The following BOD1L1 variants were observed in gnomAD, a reference collection of about 807,000 sequenced individuals.
BOD1L1 encodes the protein biorientation of chromosomes in cell division protein 1-like 1.
Under a neutral mutation model 240.7 loss-of-function variants are expected in BOD1L1, and 86 were observed. The observed-to-expected ratio is 0.36, with a 90% CI of 0.30 to 0.43. BOD1L1 has a LOEUF of 0.43. Among genes scored for constraint, BOD1L1 ranks in the 20% least tolerant of loss-of-function variants. The probability of loss-of-function intolerance (pLI) is 1.00; values close to 1 mark genes in which losing one functional copy is unlikely to be tolerated. For synonymous variants in BOD1L1, 1,268 were observed against 1,272.3 expected (o/e 1.00, Z 0.07); for missense variants, 3,554 against 3,643.5 (o/e 0.98, Z 0.63).
In BOD1L1 at chr4:13,602,441, C is replaced by T. The variant is rs1417684064; in HGVS notation, c.4459G>A (p.Gly1487Arg). The change falls in exon 10 of 26, where the codon GGA becomes AGA. Residue 1487 changes from glycine (G) to arginine (R), a missense_variant. Gly to Arg is a moderately radical substitution (Grantham distance 125). This residue lies in a region of BOD1L1 where 3,393 missense variants were observed against 3,427.1 expected (regional missense o/e 0.99). Coordinates refer to ENST00000040738, the MANE Select transcript of BOD1L1 (RefSeq NM_148894.3). Reference sequence around the variant, plus strand: ...AAAACAGAGGGTGCAGAGCCACTTCCAGCACTGGTGTCTACCTCACTGTTT... The same window carrying T: ...AAAACAGAGGGTGCAGAGCCACTTCTAGCACTGGTGTCTACCTCACTGTTT... Reference protein sequence around the residue: ...NENSEVDTSAGSGSAPSVLHQ... With the variant: ...NENSEVDTSARSGSAPSVLHQ... 1 of 1,613,932 alleles carries T rather than the reference C, an allele frequency of 6.2e-7. No individual in the cohort carries two copies. The highest frequency in any genetic ancestry group is 1.3e-5 in the African/African-American group (1 of 74,938).
intron 17 of BOD1L1, among the ~76,000 whole-genome samples, chr4:13,584,441 AGTGTGTGTGTGTGTGTGTGTGTGT>A (rs36096107): frequency 3.7e-5 from 5 of 134,906 alleles, no homozygotes; most frequent in African/African-American, 1.1e-4. Flanking sequence ...AGAGAGAGAG[AGTGTGTGTGTGTGTGTGTGTGTGT>A]GTGTGTGTGT....
intron 17 of BOD1L1, 118 bp from the exon 18 acceptor site, chr4:13,582,854 T>G (rs2108896062): frequency 1.5e-6 from 1 of 652,440 alleles, no homozygotes; most frequent in Middle Eastern, 2.5e-4. Context: ...TTTTTAAGGA[T>G]AGTTTTTGGA....
chr4:13,596,086 T>C, intron 11 of BOD1L1, 142 bp from the exon 12 acceptor site: 1 of 659,358 alleles, frequency 1.5e-6, no homozygotes, highest in Non-Finnish European at 2.6e-6. Context: ...AACTTAAAAA[T>C]AAATACATCA....
intron 1 of BOD1L1, 63 bp from the exon 2 acceptor site, chr4:13,620,130 A>G (rs1282938320): frequency 2.7e-6 from 4 of 1,467,972 alleles, no homozygotes; most frequent in Admixed American, 2.5e-5. Flanking sequence ...CACCTCTCAG[A>G]AAAGTATTTT....
At chr4:13,605,215 G>T in intron 9 of BOD1L1, 131 bp from the exon 10 acceptor site, 1 of 731,760 alleles carries the variant, frequency 1.4e-6, no homozygotes, top group Non-Finnish European at 1.9e-6. Flanking sequence ...CTTACAAACA[G>T]CCTGTGTAGG....
intron 7 of BOD1L1, 52 bp from the exon 8 acceptor site, chr4:13,608,720 T>A: frequency 7.5e-7 from 1 of 1,336,842 alleles, no homozygotes; most frequent in African/African-American, 1.5e-5. Context: ...TTACAAACAA[T>A]GTAATATTAA....
At chr4:13,592,049 T>C in intron 12 of BOD1L1, 83 bp from the exon 13 acceptor site, 3 of 1,050,448 alleles carry the variant, frequency 2.9e-6, no homozygotes, top group Non-Finnish European at 4.2e-6. Flanking sequence ...ATTTTTAGGA[T>C]AGGGAACCTA....
intron 1 of BOD1L1, among the ~76,000 whole-genome samples, chr4:13,622,642 A>G (rs1024816770): frequency 6.6e-6 from 1 of 152,152 alleles, no homozygotes; most frequent in Non-Finnish European, 1.5e-5. Context: ...ACTGACCTCA[A>G]TCTGTTCCAA....
chr4:13,577,633 T>C lies in BOD1L1; in HGVS notation c.8750-2A>G. 1 of 1,547,580 alleles carries C rather than the reference T, an allele frequency of 6.5e-7. No individual in the cohort carries two copies. Among genetic ancestry groups the C allele is most frequent in the Non-Finnish European group, 8.8e-7 (1 of 1,138,462 alleles). On this transcript the variant is annotated splice_acceptor_variant, in intron 22 of 25. Coordinates refer to ENST00000040738, the MANE Select transcript of BOD1L1 (RefSeq NM_148894.3). LOFTEE classifies it high-confidence loss of function. ...TAGCTGTTTCTTTATTGGATTCATC[T>C]TTAAGAAAAGGGAAATCTCTGCATT...
In BOD1L1 at chr4:13,601,255, T is replaced by C; in HGVS notation, c.5645A>G (p.His1882Arg). The change falls in exon 10 of 26, where the codon CAT (histidine) becomes CGT (arginine). Residue 1882 changes from histidine to arginine, a missense_variant. His to Arg is a conservative substitution (Grantham distance 29). Around this residue, in one of 2 missense-constraint regions of BOD1L1, gnomAD observed 3,393 missense variants for 3,427.1 expected, o/e 0.99. Transcript: ENST00000040738. ...TSTGRGNEIG[H>R]ASTCTGLGEE... is the part of the protein sequence containing the mutation. The stretch of plus-strand genomic sequence containing the variant: ...TCCTAACCCTGTACAAGTTGAAGCA[T>C]GCCCAATTTCATTTCCTCTTCCAGT... 1 of 1,614,026 alleles carries C rather than the reference T, an allele frequency of 6.2e-7. No individual in the cohort carries two copies. The highest frequency in any genetic ancestry group is 2.2e-5 in the East Asian group (1 of 44,884).
In BOD1L1 at chr4:13,576,859, G is replaced by A; in HGVS notation, c.9017C>T (p.Thr3006Ile). 1 of 1,613,976 alleles carries A rather than the reference G, an allele frequency of 6.2e-7. No homozygotes were observed. The highest frequency in any genetic ancestry group is 2.2e-5 in the East Asian group (1 of 44,870). Reference sequence around the variant, plus strand: ...TTACCTCTGAGCCTCTGATCTGGTGGTGGATCTTGTGGTGGCTCCTGAAGG... The same window carrying A: ...TTACCTCTGAGCCTCTGATCTGGTGATGGATCTTGTGGTGGCTCCTGAAGG... ...DEPSGATTRS[T>I]TRSEAQRSKT... is the part of the protein sequence containing the mutation. Residue 3006 changes from threonine (T) to isoleucine (I), a missense_variant, in exon 25 of 26, where the codon ACC (threonine) becomes ATC (isoleucine). Physicochemically the swap from Thr to Ile is moderately conservative, Grantham distance 89. Transcript: ENST00000040738.
chr4:13,596,890 T>G (rs1207659901), intron 11 of BOD1L1, among the ~76,000 whole-genome samples: 1 of 152,190 alleles, frequency 6.6e-6, no homozygotes, highest in Non-Finnish European at 1.5e-5. Context: ...ACTCTTGTGT[T>G]TCTGGCTTGA....
At position 13,582,297 on chromosome 4, in the gene BOD1L1, G is replaced by A; in HGVS notation, c.8532C>T (p.Ser2844=). ...RVMEEKDEYS[S]SETTGEKPEQ... Reference sequence around the variant, plus strand: ...CTGGCTTTTCACCAGTAGTTTCACTGCTGCTATATTCATCTGTAGAAAAGG... The same window carrying A: ...CTGGCTTTTCACCAGTAGTTTCACTACTGCTATATTCATCTGTAGAAAAGG... Residue 2844 remains serine (S), a synonymous_variant, in exon 19 of 26, where the codon AGC becomes AGT. Transcript: ENST00000040738. 6.2e-7 allele frequency: 1 copy of A among 1,612,650 alleles called. No homozygotes were observed. Among genetic ancestry groups the A allele is most frequent in the Non-Finnish European group, 8.5e-7 (1 of 1,179,058 alleles).
chr4:13,621,098 T>C (rs1345010928), intron 1 of BOD1L1, among the ~76,000 whole-genome samples: 1 of 152,162 alleles, frequency 6.6e-6, no homozygotes, highest in Non-Finnish European at 1.5e-5. Context: ...CTGAGAACCC[T>C]TGATGTGCTC....
rs147028451 is a variant in BOD1L1, at chr4:13,570,096, C to T, written c.9071G>A (p.Arg3024His). The change falls in exon 26 of 26, where the codon CGC becomes CAC. Residue 3024 changes from arginine to histidine, a missense_variant. Arg to His is a conservative substitution (Grantham distance 29). This residue lies in a region of BOD1L1 where 3,393 missense variants were observed against 3,427.1 expected (regional missense o/e 0.99). Transcript: ENST00000040738. ...CCCAGGAGGGCTGACTTCTCTCTTGCGCTTGATAGAAGGGGAGAGCTGTGT... is the reference window on the plus strand; with the variant it reads ...CCCAGGAGGGCTGACTTCTCTCTTGTGCTTGATAGAAGGGGAGAGCTGTGT... Reference protein sequence around the residue: ...SKTQLSPSIKRKREVSPPGAR... With the variant: ...SKTQLSPSIKHKREVSPPGAR... 981 of 1,603,690 alleles carry T rather than the reference C, an allele frequency of 6.1e-4. 1 individual carries two copies. The highest frequency in any genetic ancestry group is 7.7e-4 in the Non-Finnish European group (900 of 1,175,810).
intron 3 of BOD1L1, 123 bp downstream of exon 3, chr4:13,615,189 T>G (rs1396799505): frequency 9.8e-7 from 1 of 1,015,632 alleles, no homozygotes; most frequent in African/African-American, 1.6e-5. Flanking sequence ...TAGGTGATAT[T>G]TAAAGTACAA....
chr4:13,572,731 T>A lies in BOD1L1; in HGVS notation c.9039-2603A>T, dbSNP rs1400227359. On this transcript the variant is annotated intron_variant, in intron 25 of 25. Transcript: ENST00000040738. ...CTAATGGGGGAGAGTTACTAACTTT[T>A]TCGCTGGTAGGTAACTTCTCTTTTG... The A allele has an allele frequency of 3.1e-6, 4 of 1,289,666 alleles. No individual in the cohort carries two copies. The African/African-American group carries it at 6.1e-5, about 20-fold the overall frequency. 79.9% of individuals were successfully genotyped at this position (1,289,666 alleles called of 1,614,324 possible). A position where few individuals can be genotyped will look rare whatever the true frequency, so the allele number is the denominator to read the frequency against.
At position 13,611,003 on chromosome 4, in the gene BOD1L1, T is replaced by A. The variant is rs752089616; in HGVS notation, c.1422A>T (p.Pro474=). The A allele has an allele frequency of 1.9e-6, 3 of 1,612,654 alleles. No individual in the cohort carries two copies. Among genetic ancestry groups the A allele is most frequent in the Non-Finnish European group, 2.5e-6 (3 of 1,179,024 alleles). The change falls in exon 6 of 26, where the codon CCA becomes CCT. Residue 474 remains proline (P), a synonymous_variant. Coordinates refer to ENST00000040738, the MANE Select transcript of BOD1L1 (RefSeq NM_148894.3). ...KSVRHAYVHK[P]YLYSKYYSDS... ...CACTATAGTATTTTGAGTAAAGATA[T>A]GGTTTGTGGACATACGCATGCCGTA... is the stretch of plus-strand genomic sequence containing the variant.
rs372133509 is a variant in BOD1L1, at chr4:13,570,031, C to T, written c.9136G>A (p.Val3046Met). 1 of 1,602,740 alleles carries T rather than the reference C, an allele frequency of 6.2e-7. No individual in the cohort carries two copies. Among genetic ancestry groups the T allele is most frequent in the Non-Finnish European group, 8.5e-7 (1 of 1,175,582 alleles). ...CAGGATTATCGCTTCGCTTTTTTCA[C>T]AGGGGCTTCCTCCACCCTTTGCTGG... ...RGQQRVEEAP[V>M]KKAKR The change falls in exon 26 of 26, where the codon GTG becomes ATG. Residue 3046 changes from valine to methionine, a missense_variant. By Grantham distance (21) the Val-to-Met change is conservative (BLOSUM62 1). Transcript: ENST00000040738.
Sources: allele counts gnomAD v4.1 joint callset (sites outside exome capture counted in the v4.1 genomes callset), GRCh38; gene constraint gnomAD v4.1.1; regional missense constraint gnomAD v4.1.1; transcripts MANE v1.5; gene names NCBI Gene and HGNC (gene_info 2026-07-23, HGNC 2026-07-21).